STAC3: variants seen among roughly 807,000 people sequenced by gnomAD.
STAC3 encodes the protein SH3 and cysteine rich domain 3.
STAC3 carries 30 observed loss-of-function variants against 48.5 expected under a neutral mutation model. That is an observed-to-expected ratio of 0.62 (90% CI 0.46 to 0.84). STAC3 has a LOEUF of 0.84. STAC3 is among the 40% of genes least tolerant of loss of function. The pLI, the probability that STAC3 is intolerant of heterozygous loss-of-function variation, is 0.00. For synonymous variants in STAC3, 144 were observed against 158.6 expected (o/e 0.91, Z 0.69); for missense variants, 419 against 462.6 (o/e 0.91, Z 0.86).
rs1260528039 is a variant in STAC3, at chr12:57,248,793, CTTG to C, written c.342_344del (p.Asn114del). 6.8e-6 allele frequency: 11 copies of C among 1,613,950 alleles called. No homozygotes were observed. Among genetic ancestry groups the C allele is most frequent in the Middle Eastern group, 1.6e-4 (1 of 6,082 alleles). Reference sequence around the variant, plus strand: ...TGCAGTTCTTACAGCGAAGCCCAAACTTGTTGTTGACTTGGGAAAGGGGGAGAA... The same window carrying C: ...TGCAGTTCTTACAGCGAAGCCCAAACTTGTTGACTTGGGAAAGGGGGAGAA... On this transcript the variant is annotated inframe_deletion, in exon 4 of 12. Transcript: ENST00000332782.
At chr12:57,246,109 CAAAAAA>C (rs71084732) in intron 6 of STAC3, among the ~76,000 whole-genome samples, 1 of 80,274 alleles carries the variant, frequency 1.2e-5, no homozygotes, top group African/African-American at 5.3e-5. Flanking sequence ...AACTCTATCT[CAAAAAA>C]AAAAAAAAAA....
chr12:57,250,535 G>A (rs2037877167), intron 1 of STAC3, among the ~76,000 whole-genome samples: 1 of 151,764 alleles, frequency 6.6e-6, no homozygotes. Flanking sequence ...CGTGGTTTAC[G>A]TCATTTTCCT....
In STAC3 at chr12:57,245,017, TTC is replaced by T. The variant is rs775500351; in HGVS notation, c.671-54_671-53del. On this transcript the variant is annotated intron_variant, in intron 7 of 11. Transcript: ENST00000332782. ...TCTGTCTCCTGGAGGGCAATTCTTA[TTC>T]TCTTACCCTTTTGTGGAAGGGCCTC... 17 of 1,610,254 alleles carry T rather than the reference TTC, an allele frequency of 1.1e-5. No individual in the cohort carries two copies. The South Asian group carries it at 1.8e-4, about 17-fold the overall frequency.
In STAC3 at chr12:57,244,929, GTCT is replaced by G. The variant is rs770693196; in HGVS notation, c.704_706del (p.Lys235del). On this transcript the variant is annotated inframe_deletion, in exon 8 of 12. Transcript: ENST00000332782. ...AAGGATTCTTACCTTGTCATCAGGT[GTCT>G]TCTTCTCAGCCTTCTTATCCCCTTC... The G allele has an allele frequency of 2.5e-6, 4 of 1,614,196 alleles. No homozygotes were observed. Among genetic ancestry groups the G allele is most frequent in the Admixed American group, 3.3e-5 (2 of 60,034 alleles).
chr12:57,247,428 A>ATTTTTTTTTTTT (rs367784960), intron 5 of STAC3, among the ~76,000 whole-genome samples: 1 of 58,530 alleles, frequency 1.7e-5, no homozygotes, highest in African/African-American at 5.6e-5. Context: ...TATTATTATT[A>ATTTTTTTTTTTT]TTTTTTTTTT....
intron 5 of STAC3, among the ~76,000 whole-genome samples, chr12:57,247,253 T>A (rs1214260824): frequency 4.6e-5 from 7 of 152,088 alleles, no homozygotes. Flanking sequence ...CCTTAACTGC[T>A]GGCTTTTGTT....
In STAC3 at chr12:57,243,550, T is replaced by G; in HGVS notation, c.*262A>C. ...CGCCCCAGTCCCTGGCTCCTCCTAG[T>G]AGATACGCGTTTTTTTCCAGCTCTT... On this transcript the variant is annotated 3_prime_UTR_variant, in exon 12 of 12. Coordinates refer to ENST00000332782, the MANE Select transcript of STAC3 (RefSeq NM_145064.3). 2.0e-5 allele frequency: 9 copies of G among 442,612 alleles called. No homozygotes were observed. Among genetic ancestry groups the G allele is most frequent in the Middle Eastern group, 3.8e-4 (1 of 2,636 alleles). 27.4% of individuals were successfully genotyped at this position (442,612 alleles called of 1,614,324 possible). A position where few individuals can be genotyped will look rare whatever the true frequency, so the allele number is the denominator to read the frequency against.
At position 57,243,720 on chromosome 12, in the gene STAC3, G is replaced by A. The variant is rs961494992; in HGVS notation, c.*92C>T. ...GGGCCTTCCTACCCCTCCTCTCCCA[G>A]CAGTCCCGTTGCTTTCGCCCCCCTC... On this transcript the variant is annotated 3_prime_UTR_variant, in exon 12 of 12. Transcript: ENST00000332782. The A allele has an allele frequency of 3.0e-5, 36 of 1,197,508 alleles. No individual in the cohort carries two copies. Among genetic ancestry groups the A allele is most frequent in the Non-Finnish European group, 4.4e-5 (36 of 820,504 alleles). The allele number at this position is 1,197,508 out of a possible 1,614,324, so 74.2% of individuals were successfully genotyped here. A position where few individuals can be genotyped will look rare whatever the true frequency, so the allele number is the denominator to read the frequency against.
chr12:57,249,368 G>C (rs1489708489), intron 2 of STAC3, 60 bp from the exon 3 acceptor site: 16 of 1,527,942 alleles, frequency 1.0e-5, no homozygotes, highest in Non-Finnish European at 1.4e-5. Flanking sequence ...CTCTAGAGTA[G>C]GGGGGCGCTA....
intron 5 of STAC3, among the ~76,000 whole-genome samples, chr12:57,247,646 A>C (rs1168616946): frequency 6.6e-6 from 1 of 151,682 alleles, no homozygotes; most frequent in African/African-American, 2.4e-5. Context: ...CGTGGTCTCG[A>C]TCTCCTGACC....
At chr12:57,249,429 T>C in intron 2 of STAC3, 121 bp from the exon 3 acceptor site, 1 of 1,491,806 alleles carries the variant, frequency 6.7e-7, no homozygotes, top group Non-Finnish European at 9.1e-7. Flanking sequence ...ACCCCAGGAT[T>C]AGGGGGGTAT....
intron 5 of STAC3, among the ~76,000 whole-genome samples, 159 bp downstream of exon 5, chr12:57,247,967 T>C: frequency 6.6e-6 from 1 of 152,200 alleles, no homozygotes; most frequent in East Asian, 1.9e-4. Flanking sequence ...AAAATGGGGA[T>C]ATTGCCTCTG....
Position 57,248,025 on chromosome 12 carries a change from ACAGAAAGTTTCTGTTT to A in STAC3, c.505+85_505+100del, listed in dbSNP as rs1297876039. ...TGAGGTTGAGGGAGAATTATGGGAA[ACAGAAAGTTTCTGTTT>A]CAGAATTTGGCTCCCAAAGCTAGAG... On this transcript the variant is annotated intron_variant, in intron 5 of 11. Transcript: ENST00000332782. 1.3e-5 allele frequency: 14 copies of A among 1,067,898 alleles called. No individual in the cohort carries two copies. The African/African-American group carries it at 1.7e-4, about 13-fold the overall frequency. 66.2% of individuals were successfully genotyped at this position (1,067,898 alleles called of 1,614,324 possible).
At chr12:57,245,003 G>A in intron 7 of STAC3, 38 bp from the exon 8 acceptor site, 1 of 1,612,784 alleles carries the variant, frequency 6.2e-7, no homozygotes, top group Non-Finnish European at 8.5e-7. Flanking sequence ...CTGTCTCCTG[G>A]AGGGCAATTC....
chr12:57,247,701 A>G (rs59705555), intron 5 of STAC3, among the ~76,000 whole-genome samples: 1,793 of 151,588 alleles, frequency 0.012, 32 homozygotes, highest in African/African-American at 0.041. Flanking sequence ...GGGATTACAA[A>G]CGTGAGCCAC....
chr12:57,249,606 T>C lies in STAC3; in HGVS notation c.31A>G (p.Lys11Glu). 6.2e-7 allele frequency: 1 copy of C among 1,614,036 alleles called. No homozygotes were observed. Among genetic ancestry groups the C allele is most frequent in the Non-Finnish European group, 8.5e-7 (1 of 1,179,996 alleles). MTEKEVLESP[K>E]PSFPAETRQS... is the part of the protein sequence containing the mutation. ...CGAGTCTCTGCTGGGAAGGAGGGCT[T>C]AGGGGACTCCAGCACCTCCTTTTCT... Residue 11 changes from lysine to glutamate, a missense_variant, in exon 2 of 12, where the codon AAG becomes GAG. Lys to Glu is a moderately conservative substitution (Grantham distance 56). Coordinates refer to ENST00000332782, the MANE Select transcript of STAC3 (RefSeq NM_145064.3).
rs2037681747 is a variant in STAC3 at position 57,244,368 on chromosome 12, TGGGAG to T, written c.807-7_807-3del. ...ATGACTGTGATCTTCTCTCCTGGCC[TGGGAG>T]GGGAAGGGAGGGGCCTCACTCACAT... On this transcript the variant is annotated splice_region_variant and splice_polypyrimidine_tract_variant and intron_variant, in intron 9 of 11. Coordinates refer to ENST00000332782, the MANE Select transcript of STAC3 (RefSeq NM_145064.3). 1 of 1,613,988 alleles carries T rather than the reference TGGGAG, an allele frequency of 6.2e-7. No homozygotes were observed. The highest frequency in any genetic ancestry group is 8.5e-7 in the Non-Finnish European group (1 of 1,180,026).
At position 57,243,883 on chromosome 12, in the gene STAC3, C is replaced by T; in HGVS notation, c.1024G>A (p.Gly342Ser). ...CCGGTGTAGACCTTGACGTAGCCGC[C>T]CGCTTCGTCTCCTTTCTGCACCACG... is the stretch of plus-strand genomic sequence containing the variant. ...QIVVQKGDEA[G>S]GYVKVYTGRK... The change falls in exon 12 of 12, where the codon GGC becomes AGC. Residue 342 changes from glycine to serine, a missense_variant. Physicochemically the swap from Gly to Ser is moderately conservative, Grantham distance 56. Transcript: ENST00000332782. The T allele has an allele frequency of 1.2e-6, 2 of 1,613,922 alleles. No homozygotes were observed. Among genetic ancestry groups the T allele is most frequent in the Non-Finnish European group, 8.5e-7 (1 of 1,179,962 alleles).
chr12:57,248,641 G>A, intron 4 of STAC3, 65 bp downstream of exon 4: 8 of 1,314,194 alleles, frequency 6.1e-6, no homozygotes, highest in Non-Finnish European at 8.8e-6. Flanking sequence ...CCAAAGTGCT[G>A]GGATTACAGG....
Sources: gnomAD v4.1 joint callset for allele counts (sites outside exome capture counted in the v4.1 genomes callset) on GRCh38, gnomAD v4.1.1 for gene constraint, MANE v1.5 for transcripts, NCBI Gene and HGNC (gene_info 2026-07-23, HGNC 2026-07-21) for gene names.